Variants in PARP11 observed in about 807,000 individuals in gnomAD.
PARP11 encodes poly(ADP-ribose) polymerase family member 11, also known as protein mono-ADP-ribosyltransferase PARP11.
A neutral mutation model predicts 42.9 loss-of-function variants in PARP11; 31 were observed. The ratio of observed to expected loss-of-function variants is 0.72; its 90% CI spans 0.54 to 0.98. The LOEUF (loss-of-function observed/expected upper bound fraction) is 0.98, where lower values mean the gene tolerates loss of function less well. Ranked by LOEUF, PARP11 falls within the 50% of genes least tolerant of loss-of-function variation. The probability of loss-of-function intolerance (pLI) is 0.00; values close to 1 mark genes in which losing one functional copy is unlikely to be tolerated. For synonymous variants in PARP11, 137 were observed against 127.3 expected (o/e 1.08, Z -0.51); for missense variants, 365 against 413.1 (o/e 0.88, Z 1.01).
At chr12:3,841,204 G>A in intron 1 of PARP11, 1 of 1,522,784 alleles carries the variant, frequency 6.6e-7, no homozygotes. Flanking sequence ...GGGAGATCGA[G>A]CCATTGTACC....
intron 1 of PARP11, among the ~76,000 whole-genome samples, chr12:3,858,876 G>C (rs1246771731): frequency 6.6e-6 from 1 of 151,784 alleles, no homozygotes; most frequent in Non-Finnish European, 1.5e-5. Context: ...GATCACTTGA[G>C]GTCAGGAGTT....
At chr12:3,815,133 T>A (rs1226060615) in intron 6 of PARP11, 1 of 438,566 alleles carries the variant, frequency 2.3e-6, no homozygotes, top group East Asian at 7.0e-5. Flanking sequence ...TGCAAACTAT[T>A]TGCTGCATTT....
In PARP11 at chr12:3,830,009, G is replaced by T. The variant is rs1228339459; in HGVS notation, c.28C>A (p.His10Asn). The part of the protein sequence containing the change: MWEANPEMF[H>N]KAEELFSKTT... ...TTAGAAAATAATTCTTCTGCTTTGT[G>T]AAACATCTCCTGAAAAGCCAGAAGG... The change falls in exon 2 of 8, where the codon CAC (histidine) becomes AAC (asparagine). Residue 10 changes from histidine (H) to asparagine (N), a missense_variant. Transcript: ENST00000228820. 6.2e-7 allele frequency: 1 copy of T among 1,613,534 alleles called. No homozygotes were observed. The highest frequency in any genetic ancestry group is 1.1e-5 in the South Asian group (1 of 91,042).
chr12:3,834,431 G>A (rs1208345906), intron 1 of PARP11, among the ~76,000 whole-genome samples: 2 of 152,020 alleles, frequency 1.3e-5, no homozygotes, highest in Non-Finnish European at 2.9e-5. Context: ...CCAGGAGTTT[G>A]AGACCAGCCT....
At chr12:3,841,325 A>G (rs1947885655) in intron 1 of PARP11, 2 of 1,228,264 alleles carry the variant, frequency 1.6e-6, no homozygotes, top group South Asian at 2.4e-5. Flanking sequence ...TGGGCCCCAC[A>G]TTCTTACCTG....
rs202176088 is a variant in PARP11, at chr12:3,810,706, GAGAGA to G, written c.*1412_*1416del. On this transcript the variant is annotated 3_prime_UTR_variant, in exon 8 of 8. Transcript: ENST00000228820. Reference sequence around the variant, plus strand: ...AGGAAAGAAAGAAGGAAGGAAGAGAGAGAGAAGAGAAGAGAAAGAGAAAGAGAAAG... The same window carrying G: ...AGGAAAGAAAGAAGGAAGGAAGAGAGAGAGAAGAGAAAGAGAAAGAGAAAG... 0.06 allele frequency: 8,078 copies of G among 135,606 alleles called. 397 individuals are homozygous for G. The highest frequency in any genetic ancestry group is 0.19 in the East Asian group (812 of 4,220). 8.4% of individuals were successfully genotyped at this position (135,606 alleles called of 1,614,324 possible).
rs531127135 is a variant in PARP11, at chr12:3,845,795, TAATTGGGATTA to T, written c.19-15788_19-15778del. Among the ~76,000 whole-genome samples the T allele has an allele frequency of 4.3e-4, 65 of 152,370 alleles. 1 individual carries two copies. The highest frequency in any genetic ancestry group is 1.4e-3 in the African/African-American group (60 of 41,582). ...TAGTGTCAGCCATTTACTCTCCCAC[TAATTGGGATTA>T]TTTTTTAAAAGAGGTCTTTCTCCCC... On this transcript the variant is annotated intron_variant, in intron 1 of 7. Transcript: ENST00000228820.
intron 1 of PARP11, among the ~76,000 whole-genome samples, chr12:3,859,028 T>TG (rs1329102012): frequency 5.3e-5 from 7 of 133,004 alleles, no homozygotes; most frequent in East Asian, 4.4e-4. Flanking sequence ...ACCCAGGAGG[T>TG]GGGGGGTCAC....
At chr12:3,844,385 T>C (rs930015688) in intron 1 of PARP11, among the ~76,000 whole-genome samples, 1 of 152,210 alleles carries the variant, frequency 6.6e-6, no homozygotes, top group Non-Finnish European at 1.5e-5. Context: ...GGTGGCTCAG[T>C]TAAGGAATGA....
At chr12:3,852,915 T>C (rs1204200242) in intron 1 of PARP11, among the ~76,000 whole-genome samples, 1 of 152,142 alleles carries the variant, frequency 6.6e-6, no homozygotes, top group African/African-American at 2.4e-5. Context: ...GGGAAGCCCA[T>C]CAGACTAACA....
chr12:3,814,050 A>G lies in PARP11; in HGVS notation c.687T>C (p.Ala229=). The change falls in exon 7 of 8, where the codon GCT becomes GCC. Residue 229 remains alanine (A), a synonymous_variant. Transcript: ENST00000228820. ...FDWRINGIHG[A]VFGKGTYFAR... is the part of the protein sequence containing the mutation. ...TCTGATAATTACCTTTTCCAAAGACAGCACCATGTATACCATTTATTCTCC... is the reference window on the plus strand; with the variant it reads ...TCTGATAATTACCTTTTCCAAAGACGGCACCATGTATACCATTTATTCTCC... 1 of 1,561,626 alleles carries G rather than the reference A, an allele frequency of 6.4e-7. No individual in the cohort carries two copies. Among genetic ancestry groups the G allele is most frequent in the Non-Finnish European group, 8.7e-7 (1 of 1,147,954 alleles).
intron 1 of PARP11, among the ~76,000 whole-genome samples, chr12:3,846,419 A>C (rs577813360): frequency 2.7e-4 from 41 of 152,308 alleles, no homozygotes; most frequent in Admixed American, 2.7e-3. Flanking sequence ...GAAATGGATA[A>C]ATTCCTGGAC....
intron 1 of PARP11, among the ~76,000 whole-genome samples, chr12:3,871,475 G>A (rs1273451093): frequency 6.6e-6 from 1 of 152,188 alleles, no homozygotes; most frequent in Non-Finnish European, 1.5e-5. Context: ...TCTAGGTTAA[G>A]AGCAATAGGC....
In PARP11 at chr12:3,861,606, C is replaced by T. The variant is rs373757204; in HGVS notation, c.18+11606G>A. On this transcript the variant is annotated intron_variant, in intron 1 of 7. Transcript: ENST00000228820. The surrounding 1 kb of genome is among the most constrained non-coding windows in gnomAD (Gnocchi z 4.6). ...TATATGCTTTTTAAATACTTTCTCC[C>T]GTCTGTGGCTTATCTTTTCATTCTC... is the stretch of plus-strand genomic sequence containing the variant. Among the ~76,000 whole-genome samples, 84 of 152,228 alleles carry T rather than the reference C, an allele frequency of 5.5e-4. No individual in the cohort carries two copies. Among genetic ancestry groups the T allele is most frequent in the South Asian group, 4.6e-3 (22 of 4,824 alleles).
intron 1 of PARP11, among the ~76,000 whole-genome samples, chr12:3,869,868 C>G (rs1248920192): frequency 6.6e-6 from 1 of 152,192 alleles, no homozygotes; most frequent in Non-Finnish European, 1.5e-5. Context: ...AACCCTGGGA[C>G]TTCGCACTAA....
intron 4 of PARP11, among the ~76,000 whole-genome samples, chr12:3,823,393 T>C (rs1201865522): frequency 1.5e-4 from 23 of 152,152 alleles, no homozygotes; most frequent in Non-Finnish European, 3.4e-4. Context: ...CATACATTTA[T>C]TGCACCTGTT....
intron 1 of PARP11, among the ~76,000 whole-genome samples, chr12:3,863,487 A>C (rs373641739): frequency 5.9e-5 from 9 of 152,306 alleles, no homozygotes; most frequent in East Asian, 5.8e-4. Flanking sequence ...CATTCTGAAG[A>C]TGCCCTTTGT....
In PARP11 at chr12:3,812,251, G is replaced by A; in HGVS notation, c.889C>T (p.Pro297Ser). 6.2e-7 allele frequency: 1 copy of A among 1,614,180 alleles called. No individual in the cohort carries two copies. The highest frequency in any genetic ancestry group is 8.5e-7 in the Non-Finnish European group (1 of 1,179,992). Residue 297 changes from proline (P) to serine (S), a missense_variant, in exon 8 of 8, where the codon CCT becomes TCT. By Grantham distance (74) the Pro-to-Ser change is moderately conservative. Coordinates refer to ENST00000228820, the MANE Select transcript of PARP11 (RefSeq NM_020367.6). ...ACATAGCTCCCGTCTTTGGAAGGAG[G>A]TCGCATGTATTTGGAGTCTCCGTTT... ...YINGDSKYMR[P>S]PSKDGSYVNL... is the part of the protein sequence containing the mutation.
Position 3,814,024 on chromosome 12 carries a change from T to TG in PARP11, c.700+12_700+13insC. ...CCTGGGGCTCAAATTGGACCTGGAA[T>TG]TCTGATAATTACCTTTTCCAAAGAC... On this transcript the variant is annotated intron_variant, in intron 7 of 7. Transcript: ENST00000228820. 1 of 1,537,062 alleles carries TG rather than the reference T, an allele frequency of 6.5e-7. No homozygotes were observed. Among genetic ancestry groups the TG allele is most frequent in the Non-Finnish European group, 8.8e-7 (1 of 1,132,920 alleles).
Sources: allele counts gnomAD v4.1 joint callset (sites outside exome capture counted in the v4.1 genomes callset), GRCh38; gene constraint gnomAD v4.1.1; non-coding constraint Gnocchi (gnomAD v3.1); transcripts MANE v1.5; gene names NCBI Gene and HGNC (gene_info 2026-07-23, HGNC 2026-07-21).